The following ZNF75D variants were observed in gnomAD, a reference collection of about 807,000 sequenced individuals.
ZNF75D encodes zinc finger protein 75.
In ZNF75D, 33 loss-of-function variants were observed where a neutral mutation model predicts 33.3. The ratio of observed to expected loss-of-function variants is 0.99; its 90% CI spans 0.75 to 1.32. The LOEUF is 1.32. Among genes scored for constraint, ZNF75D ranks in the 40% most tolerant of loss-of-function variants. ZNF75D has a pLI of 0.00. For missense variants in ZNF75D, 338 were observed against 367.5 expected (o/e 0.92, Z 0.66); for synonymous variants, 113 against 130.6 (o/e 0.87, Z 0.92).
rs185844204 is a variant in ZNF75D at position 135,259,282 on chromosome X, T to C, written n.828-3505A>G. ...AGGATTGTCTTGGCAATGCAGGCTC[T>C]TTTTTGCTTCCATATGAACTTTAAA... is the stretch of plus-strand genomic sequence containing the variant. On this transcript the variant is annotated intron_variant and non_coding_transcript_variant, in intron 1 of 3. Transcript: ENST00000494295. Among the ~76,000 whole-genome samples the C allele has an allele frequency of 3.5e-3, 389 of 112,014 alleles. 3 individuals are homozygous for C. Among genetic ancestry groups the C allele is most frequent in the African/African-American group, 0.012 (369 of 30,805 alleles).
intron 1 of ZNF75D, among the ~76,000 whole-genome samples, chrX:135,304,226 G>A (rs1023473940): frequency 8.1e-5 from 9 of 111,518 alleles, no homozygotes; most frequent in Admixed American, 4.8e-4. Flanking sequence ...GCATTTCCAA[G>A]AATCCCTGGG....
chrX:135,260,118 C>G (rs1458791352), intron 1 of ZNF75D, among the ~76,000 whole-genome samples: 2 of 112,073 alleles, frequency 1.8e-5, no homozygotes, highest in Non-Finnish European at 3.8e-5. Context: ...ATATGTTGAA[C>G]CAGCCTTGCA....
intron 1 of ZNF75D, among the ~76,000 whole-genome samples, chrX:135,334,541 T>C (rs2084687407): frequency 9.0e-6 from 1 of 111,685 alleles, no homozygotes; most frequent in African/African-American, 3.3e-5. Flanking sequence ...CTCGGCCTTC[T>C]AGGGGTAGGA....
intron 6 of ZNF75D, among the ~76,000 whole-genome samples, chrX:135,290,673 G>A (rs2084025137): frequency 8.9e-6 from 1 of 112,467 alleles, no homozygotes; most frequent in Non-Finnish European, 1.9e-5. Flanking sequence ...TGTTATTGTT[G>A]TTGATTTACA....
At chrX:135,326,480 A>G (rs926439949) in intron 1 of ZNF75D, among the ~76,000 whole-genome samples, 1 of 112,061 alleles carries the variant, frequency 8.9e-6, no homozygotes, top group African/African-American at 3.2e-5. Context: ...GCGCCCTGTC[A>G]AAACAGACCA....
chrX:135,316,408 G>A (rs1172182268), intron 1 of ZNF75D, among the ~76,000 whole-genome samples: 1 of 111,334 alleles, frequency 9.0e-6, no homozygotes, highest in Non-Finnish European at 1.9e-5. Context: ...TCCTTTATAG[G>A]TAACTAGATG....
Position 135,320,018 on chromosome X carries a change from G to A in ZNF75D, c.-391+21750C>T, listed in dbSNP as rs372073391. Among the ~76,000 whole-genome samples, 7 of 112,470 alleles carry A rather than the reference G, an allele frequency of 6.2e-5. No individual in the cohort carries two copies. In the East Asian group the frequency reaches 1.9e-3, roughly 31 times the overall value. On this transcript the variant is annotated intron_variant, in intron 1 of 6. Transcript: ENST00000370766. ...GAACCTTAAAAGAGGATCTTGGCTG[G>A]GTGAGGTGGCTCATGCCTGTAATCC...
At chrX:135,268,790 A>G (rs1355810532) in intron 1 of ZNF75D, among the ~76,000 whole-genome samples, 1 of 111,871 alleles carries the variant, frequency 8.9e-6, no homozygotes, top group Non-Finnish European at 1.9e-5. Flanking sequence ...GAAGAGCCAA[A>G]GCTGTCCTGA....
intron 1 of ZNF75D, among the ~76,000 whole-genome samples, chrX:135,326,015 C>A (rs1473438573): frequency 9.0e-6 from 1 of 110,720 alleles, no homozygotes; most frequent in African/African-American, 3.3e-5. Flanking sequence ...TGTGAATGCA[C>A]CAATCGACAC....
intron 2 of ZNF75D, chrX:135,253,518 G>C: frequency 3.4e-6 from 1 of 294,572 alleles, no homozygotes; most frequent in Non-Finnish European, 5.9e-6. Context: ...GCTGAAGCCT[G>C]CCCATATTTT....
In ZNF75D at chrX:135,286,612, C is replaced by T. The variant is rs2083956232; in HGVS notation, c.*525G>A. The T allele has an allele frequency of 8.9e-6, 1 of 112,531 alleles. No homozygotes were observed. The highest frequency in any genetic ancestry group is 3.2e-5 in the African/African-American group (1 of 30,788). The allele number at this position is 112,531 out of a possible 1,213,427, so 9.3% of individuals were successfully genotyped here. ...ATTCTCCCAGGGCAAACACTGAATC[C>T]TCTCTTTCTGTTACAGAGTAAAGTT... On this transcript the variant is annotated 3_prime_UTR_variant, in exon 7 of 7. Coordinates refer to ENST00000370766, the MANE Select transcript of ZNF75D (RefSeq NM_007131.5).
intron 1 of ZNF75D, chrX:135,330,796 T>C (rs782788711): frequency 8.9e-6 from 1 of 112,816 alleles, no homozygotes; most frequent in Non-Finnish European, 1.9e-5. Context: ...CTGATATGGC[T>C]TTCTTGAGTT....
At chrX:135,269,512 T>A (rs1430051103) in intron 1 of ZNF75D, among the ~76,000 whole-genome samples, 2 of 112,300 alleles carry the variant, frequency 1.8e-5, no homozygotes, top group African/African-American at 6.5e-5. Flanking sequence ...ACATCATTGA[T>A]CATCAGAGAA....
At chrX:135,302,319 C>T (rs1236473216) in intron 1 of ZNF75D, among the ~76,000 whole-genome samples, 4 of 112,199 alleles carry the variant, frequency 3.6e-5, no homozygotes, top group African/African-American at 1.3e-4. Context: ...TCAGTGGTCT[C>T]TTATCAGGAG....
chrX:135,257,311 C>T (rs782122887), intron 1 of ZNF75D, among the ~76,000 whole-genome samples: 1 of 111,960 alleles, frequency 8.9e-6, no homozygotes, highest in African/African-American at 3.2e-5. Flanking sequence ...AGCCCCAGGC[C>T]TGGTAGCATT....
chrX:135,340,989 T>A (rs1275703891), intron 1 of ZNF75D, among the ~76,000 whole-genome samples: 1 of 111,917 alleles, frequency 8.9e-6, no homozygotes, highest in Non-Finnish European at 1.9e-5. Flanking sequence ...GGGCAGCAGA[T>A]TCAATGCAGC....
intron 3 of ZNF75D, 114 bp downstream of exon 3, chrX:135,293,616 T>C: frequency 1.3e-6 from 1 of 744,389 alleles, no homozygotes; most frequent in South Asian, 3.2e-5. Flanking sequence ...CTAGCTGTCC[T>C]AAAGGAGCAA....
At position 135,343,087 on chromosome X, in the gene ZNF75D, A is replaced by AC. The variant is rs2084805402; in HGVS notation, c.-1711_-1710insG. The AC allele has an allele frequency of 8.9e-6, 1 of 111,977 alleles. No individual in the cohort carries two copies. The highest frequency in any genetic ancestry group is 1.9e-5 in the Non-Finnish European group (1 of 53,285). 9.2% of individuals were successfully genotyped at this position (111,977 alleles called of 1,213,427 possible). On this transcript the variant is annotated 5_prime_UTR_variant, in exon 1 of 7. Transcript: ENST00000370766. ...GAAGACAACAACAACAACAACAACA[A>AC]AAAATCACTGGCCCGTGTAAGGTCT...
intron 1 of ZNF75D, among the ~76,000 whole-genome samples, chrX:135,274,777 C>T (rs1399683430): frequency 4.5e-5 from 5 of 112,025 alleles, no homozygotes; most frequent in Non-Finnish European, 9.4e-5. Flanking sequence ...TTGATGCTCA[C>T]TTAATATCTG....
Sources: allele counts gnomAD v4.1 joint callset (sites outside exome capture counted in the v4.1 genomes callset), GRCh38; gene constraint gnomAD v4.1.1; transcripts MANE v1.5; gene names NCBI Gene and HGNC (gene_info 2026-07-23, HGNC 2026-07-21).